Variants in FOCAD observed in about 807,000 individuals in gnomAD.
FOCAD encodes the protein focadhesin, also known as KIAA1797.
FOCAD carries 198 observed loss-of-function variants against 225.6 expected under a neutral mutation model. The ratio of observed to expected loss-of-function variants is 0.88; its 90% CI spans 0.78 to 0.99. The LOEUF (loss-of-function observed/expected upper bound fraction) is 0.99, where lower values mean the gene tolerates loss of function less well. FOCAD is among the 50% of genes least tolerant of loss of function. The pLI, the probability that FOCAD is intolerant of heterozygous loss-of-function variation, is 0.00. For missense variants in FOCAD, 2,713 were observed against 2,123.6 expected (o/e 1.28, Z -5.46); for synonymous variants, 897 against 755.0 (o/e 1.19, Z -3.08).
chr9:20,702,599 A>G (rs1475001422), intron 1 of FOCAD, among the ~76,000 whole-genome samples: 1 of 152,162 alleles, frequency 6.6e-6, no homozygotes, highest in Non-Finnish European at 1.5e-5. Flanking sequence ...TACTTATGTC[A>G]TGAGGTTGTT....
intron 8 of FOCAD, among the ~76,000 whole-genome samples, chr9:20,776,771 C>T (rs906011675): frequency 2.0e-5 from 3 of 152,174 alleles, no homozygotes; most frequent in Non-Finnish European, 4.4e-5. Context: ...CATTACTATA[C>T]AGCAGTGCTT....
In FOCAD at chr9:20,981,627, T is replaced by G; in HGVS notation, c.4579T>G (p.Trp1527Gly). ...ACTGCCCAGCCCTGCCCACCACCTCTGGAGTCTGCTCTCTGAAGCTACTGG... is the reference window on the plus strand; with the variant it reads ...ACTGCCCAGCCCTGCCCACCACCTCGGGAGTCTGCTCTCTGAAGCTACTGG... ...MKLPSPAHHL[W>G]SLLSEATGKI... Residue 1527 changes from tryptophan to glycine, a missense_variant, in exon 38 of 44, where the codon TGG becomes GGG. By Grantham distance (184) the Trp-to-Gly change is radical. Transcript: ENST00000338382. The G allele has an allele frequency of 6.2e-7, 1 of 1,614,064 alleles. No individual in the cohort carries two copies. The highest frequency in any genetic ancestry group is 8.5e-7 in the Non-Finnish European group (1 of 1,179,956).
chr9:20,755,237 A>T lies in FOCAD; in HGVS notation c.393-2853A>T, dbSNP rs186621384. On this transcript the variant is annotated intron_variant, in intron 5 of 43. Transcript: ENST00000338382. ...AAAACTTAATTATCCAGATGTCTAAATCAGTAATTAATCTTTATGATCCCT... is the reference window on the plus strand; with the variant it reads ...AAAACTTAATTATCCAGATGTCTAATTCAGTAATTAATCTTTATGATCCCT... Among the ~76,000 whole-genome samples, 450 of 152,310 alleles carry T rather than the reference A, an allele frequency of 3.0e-3. 2 individuals carry two copies. Among genetic ancestry groups the T allele is most frequent in the Non-Finnish European group, 4.4e-3 (296 of 68,032 alleles).
intron 16 of FOCAD, among the ~76,000 whole-genome samples, chr9:20,864,015 A>G (rs1829015117): frequency 1.3e-5 from 2 of 151,626 alleles, no homozygotes; most frequent in South Asian, 4.2e-4. Flanking sequence ...TGTTGTTCAG[A>G]CGGACTGCTT....
intron 10 of FOCAD, among the ~76,000 whole-genome samples, chr9:20,782,417 C>T (rs1819473469): frequency 1.3e-5 from 2 of 152,118 alleles, no homozygotes; most frequent in African/African-American, 4.8e-5. Context: ...CTCGATGTCC[C>T]CTGTGTATGC....
intron 10 of FOCAD, chr9:20,787,083 C>T: frequency 3.3e-6 from 1 of 303,710 alleles, no homozygotes; most frequent in South Asian, 2.8e-5. Flanking sequence ...CTTAGGCAAA[C>T]AAACAAACAA....
At chr9:20,757,297 C>G (rs1829143351) in intron 5 of FOCAD, among the ~76,000 whole-genome samples, 1 of 152,168 alleles carries the variant, frequency 6.6e-6, no homozygotes, top group East Asian at 1.9e-4. Context: ...TTGTATAGTA[C>G]TTAATAGTTT....
At chr9:20,866,289 A>C (rs1829227752) in intron 17 of FOCAD, among the ~76,000 whole-genome samples, 1 of 152,004 alleles carries the variant, frequency 6.6e-6, no homozygotes. Context: ...CCCACCAACA[A>C]GCATACCAAA....
chr9:20,845,016 C>A (rs1826935575), intron 15 of FOCAD, among the ~76,000 whole-genome samples: 2 of 151,912 alleles, frequency 1.3e-5, no homozygotes, highest in South Asian at 4.2e-4. Flanking sequence ...TTTCCGATTT[C>A]TTTCGTAATC....
rs538383493 is a variant in FOCAD, at chr9:20,845,806, T to C, written c.1921-16772T>C. Among the ~76,000 whole-genome samples, 25 of 152,192 alleles carry C rather than the reference T, an allele frequency of 1.6e-4. No homozygotes were observed. In the East Asian group the frequency reaches 2.9e-3, roughly 18 times the overall value. On this transcript the variant is annotated intron_variant, in intron 15 of 43. Transcript: ENST00000338382. ...TCTTCATATTTGTTTTGGAAAACAT[T>C]GTTGACCATTGTAACTAAATTTCTG... is the stretch of plus-strand genomic sequence containing the variant.
intron 1 of FOCAD, among the ~76,000 whole-genome samples, chr9:20,714,891 C>G (rs1043623588): frequency 6.6e-6 from 1 of 152,156 alleles, no homozygotes; most frequent in Non-Finnish European, 1.5e-5. Flanking sequence ...ACACTTGTCA[C>G]TAGCAGTTGG....
rs142273200 is a variant in FOCAD, at chr9:20,791,200, C to T, written c.1455+1592C>T. ...CACCACTGACAGAAAACATATATTG[C>T]ATCTATATATATATGCATGCACACA... On this transcript the variant is annotated intron_variant, in intron 11 of 43. Coordinates refer to ENST00000338382, the MANE Select transcript of FOCAD (RefSeq NM_001375567.1). Among the ~76,000 whole-genome samples, 554 of 147,070 alleles carry T rather than the reference C, an allele frequency of 3.8e-3. 6 individuals are homozygous for T. Among genetic ancestry groups the T allele is most frequent in the African/African-American group, 0.013 (537 of 39,948 alleles).
In FOCAD at chr9:20,953,011, G is replaced by A. The variant is rs1215800649; in HGVS notation, c.4078G>A (p.Glu1360Lys). The A allele has an allele frequency of 6.2e-7, 1 of 1,613,624 alleles. No individual in the cohort carries two copies. The highest frequency in any genetic ancestry group is 1.7e-5 in the Admixed American group (1 of 59,958). ...TCCTACTGACTATAGCTACTTGCCT[G>A]AAAGCAGTTTTATTGGAGCAGCTAT... The part of the protein sequence containing the change: ...SVPTDYSYLP[E>K]SSFIGAAIGF... Residue 1360 changes from glutamate (E) to lysine (K), a missense_variant, in exon 35 of 44, where the codon GAA (glutamate) becomes AAA (lysine). Coordinates refer to ENST00000338382, the MANE Select transcript of FOCAD (RefSeq NM_001375567.1).
chr9:20,817,712 A>G (rs4977751), intron 11 of FOCAD, among the ~76,000 whole-genome samples: 128,672 of 151,804 alleles, frequency 0.85, 54,598 homozygotes, highest in Admixed American at 0.89. Flanking sequence ...TGTAGCATGT[A>G]TCAGTACTTT....
At chr9:20,947,347 A>G (rs1049721519) in intron 30 of FOCAD, among the ~76,000 whole-genome samples, 1 of 152,238 alleles carries the variant, frequency 6.6e-6, no homozygotes, top group African/African-American at 2.4e-5. Flanking sequence ...TATGTACTAG[A>G]ACACGGATGA....
chr9:20,994,449 T>C (rs566508215), intron 43 of FOCAD, among the ~76,000 whole-genome samples: 8 of 152,354 alleles, frequency 5.3e-5, no homozygotes, highest in East Asian at 1.9e-4. Context: ...TGGCCTATTC[T>C]GTGATAATTT....
At chr9:20,894,852 T>G (rs1031303212) in intron 21 of FOCAD, among the ~76,000 whole-genome samples, 2 of 152,066 alleles carry the variant, frequency 1.3e-5, no homozygotes, top group Non-Finnish European at 2.9e-5. Flanking sequence ...TATCCATTGT[T>G]TATTTAATAC....
rs117352475 is a variant in FOCAD, at chr9:20,809,334, C to T, written c.1456-10462C>T. On this transcript the variant is annotated intron_variant, in intron 11 of 43. Coordinates refer to ENST00000338382, the MANE Select transcript of FOCAD (RefSeq NM_001375567.1). Reference sequence around the variant, plus strand: ...GCAGTTTTATGTGGTAACCACTAGTCACATGTAACTATTAAGCCCTTGAAA... The same window carrying T: ...GCAGTTTTATGTGGTAACCACTAGTTACATGTAACTATTAAGCCCTTGAAA... Among the ~76,000 whole-genome samples, 377 of 152,252 alleles carry T rather than the reference C, an allele frequency of 2.5e-3. 3 individuals carry two copies. The highest frequency in any genetic ancestry group is 3.6e-3 in the Non-Finnish European group (243 of 68,002).
chr9:20,770,261 C>T (rs775020053), intron 8 of FOCAD, 23 bp downstream of exon 8: 1 of 1,586,108 alleles, frequency 6.3e-7, no homozygotes, highest in East Asian at 2.2e-5. Context: ...GTATATTATA[C>T]TGTTCATGCA....
Sources: gnomAD v4.1 joint callset for allele counts (sites outside exome capture counted in the v4.1 genomes callset) on GRCh38, gnomAD v4.1.1 for gene constraint, MANE v1.5 for transcripts, NCBI Gene and HGNC (gene_info 2026-07-23, HGNC 2026-07-21) for gene names.